RARB: variants seen among roughly 807,000 people sequenced by gnomAD.
RARB encodes HBV-activated protein.
Under a neutral mutation model 51.9 loss-of-function variants are expected in RARB, and 17 were observed. The observed-to-expected ratio is 0.33, with a 90% CI of 0.22 to 0.49. RARB has a LOEUF of 0.49. RARB is among the 20% of genes least tolerant of loss of function. RARB has a pLI of 0.99. For synonymous variants in RARB, 215 were observed against 195.4 expected (o/e 1.10, Z -0.84); for missense variants, 369 against 550.8 (o/e 0.67, Z 3.30).
chr3:25,596,611 C>T lies in RARB; in HGVS notation c.1342C>T (p.Gln448Ter). The change falls in exon 8 of 8, where the codon CAA becomes TAA. Residue 448 changes from glutamine to a stop codon, truncating the protein, a stop_gained. Transcript: ENST00000330688. LOFTEE classifies it high-confidence loss of function. ...TGGGGTCAGTCAGTCACCACTCGTG[C>T]AATAAGACATTTTCTAGCTACTTCA... is the stretch of plus-strand genomic sequence containing the variant. ...NSGVSQSPLV[Q>*] 4 of 1,585,220 alleles carry T rather than the reference C, an allele frequency of 2.5e-6. No homozygotes were observed. The highest frequency in any genetic ancestry group is 2.3e-5 in the South Asian group (2 of 88,696).
Position 25,450,199 on chromosome 3 carries a change from C to T in RARB, c.158-10994C>T, listed in dbSNP as rs531072100. On this transcript the variant is annotated intron_variant, in intron 1 of 7. Transcript: ENST00000330688. ...TATTGTTGAAATGTTTGACTAGACT[C>T]TGGAGATGGTTCTGTTGTTTTCTGT... 4.6e-5 allele frequency among the ~76,000 whole-genome samples: 7 copies of T among 152,288 alleles called. No individual in the cohort carries two copies. In the South Asian group the frequency reaches 1.5e-3, roughly 32 times the overall value.
intron 2 of RARB, among the ~76,000 whole-genome samples, chr3:24,969,662 G>C (rs564022994): frequency 6.6e-5 from 10 of 152,114 alleles, no homozygotes; most frequent in Non-Finnish European, 1.2e-4. Flanking sequence ...AGAAGGAGAA[G>C]AGAGCTAGAC....
chr3:25,024,357 TGTGAA>T, intron 2 of RARB, among the ~76,000 whole-genome samples: 1 of 152,180 alleles, frequency 6.6e-6, no homozygotes, highest in Non-Finnish European at 1.5e-5. Flanking sequence ...TATTTCTGAG[TGTGAA>T]TTGCCCTAAC....
At chr3:25,264,654 C>T (rs1018486667) in intron 5 of RARB, among the ~76,000 whole-genome samples, 1 of 152,054 alleles carries the variant, frequency 6.6e-6, no homozygotes, top group Non-Finnish European at 1.5e-5. Flanking sequence ...AATATAAAAA[C>T]ATATAATTAT....
intron 3 of RARB, among the ~76,000 whole-genome samples, chr3:25,102,343 C>T (rs1272192820): frequency 7.2e-5 from 11 of 152,040 alleles, no homozygotes; most frequent in Middle Eastern, 3.4e-3. Flanking sequence ...GACTTCAAGA[C>T]CAGCCAGGCC....
At chr3:25,113,773 A>G (rs142394175) in intron 3 of RARB, among the ~76,000 whole-genome samples, 64 of 152,316 alleles carry the variant, frequency 4.2e-4, no homozygotes, top group African/African-American at 1.5e-3. Flanking sequence ...AGTTCCAGAA[A>G]GTTCCCTGGC....
intron 3 of RARB, among the ~76,000 whole-genome samples, chr3:25,106,620 A>G (rs1341094869): frequency 7.4e-5 from 11 of 149,552 alleles, no homozygotes; most frequent in Admixed American, 6.7e-4. Flanking sequence ...AGTAAATTTA[A>G]CAGCTAAATG....
chr3:24,956,791 CT>C (rs1484239585), intron 2 of RARB, among the ~76,000 whole-genome samples: 1 of 152,168 alleles, frequency 6.6e-6, no homozygotes, highest in Non-Finnish European at 1.5e-5. Flanking sequence ...CTTAAGTCAA[CT>C]TCCCCAGGAA....
chr3:25,256,772 A>G (rs939985584), intron 5 of RARB, among the ~76,000 whole-genome samples: 2 of 152,100 alleles, frequency 1.3e-5, no homozygotes, highest in African/African-American at 4.8e-5. Context: ...TTCTTTGGCA[A>G]ACGTGTATAA....
chr3:25,452,198 T>G (rs1032619108), intron 1 of RARB, among the ~76,000 whole-genome samples: 4 of 152,248 alleles, frequency 2.6e-5, no homozygotes, highest in Non-Finnish European at 4.4e-5. Flanking sequence ...TAGTATGTCC[T>G]AGAAAATAGT....
At chr3:25,158,529 G>T (rs543563027) in intron 4 of RARB, among the ~76,000 whole-genome samples, 4 of 152,052 alleles carry the variant, frequency 2.6e-5, no homozygotes, top group Non-Finnish European at 2.9e-5. Flanking sequence ...TTGGTTTTAG[G>T]GGGGAGGTGG....
intron 5 of RARB, among the ~76,000 whole-genome samples, chr3:25,367,358 C>T (rs1030338864): frequency 3.3e-5 from 5 of 152,060 alleles, no homozygotes; most frequent in Non-Finnish European, 4.4e-5. Flanking sequence ...GAACTCCTTC[C>T]GTCAAATGGC....
At chr3:25,571,719 A>T (rs1214802757) in intron 4 of RARB, among the ~76,000 whole-genome samples, 5 of 152,226 alleles carry the variant, frequency 3.3e-5, no homozygotes, top group Non-Finnish European at 7.3e-5. Flanking sequence ...ATGACGGTGA[A>T]CAAATTACCT....
At chr3:25,248,289 G>A (rs771320652) in intron 5 of RARB, among the ~76,000 whole-genome samples, 4 of 152,078 alleles carry the variant, frequency 2.6e-5, no homozygotes, top group Non-Finnish European at 5.9e-5. Flanking sequence ...CTTGTAAGCA[G>A]CATATAGGTG....
intron 5 of RARB, among the ~76,000 whole-genome samples, chr3:25,185,052 T>C (rs1354724846): frequency 3.9e-5 from 6 of 152,216 alleles, no homozygotes; most frequent in Non-Finnish European, 8.8e-5. Context: ...AATGCAAAGG[T>C]CTTTCTACAT....
chr3:25,458,604 C>T (rs1035717819), intron 1 of RARB, among the ~76,000 whole-genome samples: 2 of 152,164 alleles, frequency 1.3e-5, no homozygotes, highest in Non-Finnish European at 2.9e-5. Flanking sequence ...GTTGCTGCCA[C>T]TGTGCCAACT....
At chr3:24,987,607 A>T (rs1409068515) in intron 2 of RARB, among the ~76,000 whole-genome samples, 3 of 152,230 alleles carry the variant, frequency 2.0e-5, no homozygotes, top group African/African-American at 7.2e-5. Flanking sequence ...CTCCTGAGGG[A>T]CTGTTCTACA....
intron 2 of RARB, among the ~76,000 whole-genome samples, chr3:24,891,483 C>A (rs1703376920): frequency 6.6e-6 from 1 of 152,154 alleles, no homozygotes. Context: ...ATCTGAAGTG[C>A]TATTAAGTGC....
At chr3:25,595,122 A>G (rs903023453) in intron 7 of RARB, among the ~76,000 whole-genome samples, 4 of 152,186 alleles carry the variant, frequency 2.6e-5, no homozygotes, top group Non-Finnish European at 5.9e-5. Context: ...GCACACTTCT[A>G]AGCAAAGGAA....
Sources: gnomAD v4.1 joint callset for allele counts (sites outside exome capture counted in the v4.1 genomes callset) on GRCh38, gnomAD v4.1.1 for gene constraint, MANE v1.5 for transcripts, NCBI Gene and HGNC (gene_info 2026-07-23, HGNC 2026-07-21) for gene names.